Variants in ZNF704 observed in about 807,000 individuals in gnomAD.
The protein encoded by ZNF704 is glucocorticoid induced gene 1.
ZNF704 carries 10 observed loss-of-function variants against 44.7 expected under a neutral mutation model. That is an observed-to-expected ratio of 0.22 (90% CI 0.14 to 0.38). The LOEUF is 0.38. ZNF704 is among the 10% of genes least tolerant of loss of function. The pLI is 1.00. For synonymous variants in ZNF704, 211 were observed against 207.6 expected (o/e 1.02, Z -0.14); for missense variants, 390 against 545.5 (o/e 0.71, Z 2.84).
intron 2 of ZNF704, among the ~76,000 whole-genome samples, chr8:80,809,512 T>C (rs1808049641): frequency 6.6e-6 from 1 of 152,168 alleles, no homozygotes; most frequent in Non-Finnish European, 1.5e-5. Context: ...AGTGAGTGTT[T>C]GCCAAATCCA....
At chr8:80,695,549 T>C (rs1237472090) in intron 2 of ZNF704, among the ~76,000 whole-genome samples, 2 of 152,216 alleles carry the variant, frequency 1.3e-5, no homozygotes, top group Non-Finnish European at 2.9e-5. Flanking sequence ...TTCCGTCTTC[T>C]ACATCTTGGT....
At position 80,735,941 on chromosome 8, in the gene ZNF704, C is replaced by T. The variant is rs556457353; in HGVS notation, c.222-42834G>A. Among the ~76,000 whole-genome samples the T allele has an allele frequency of 6.6e-5, 10 of 152,156 alleles. 1 individual carries two copies. The South Asian group carries it at 1.9e-3, about 28-fold the overall frequency. On this transcript the variant is annotated intron_variant, in intron 2 of 8. Coordinates refer to ENST00000327835, the MANE Select transcript of ZNF704 (RefSeq NM_001033723.3). ...TTTACAAAGAGAAAGAAAATATAAA[C>T]AGGAAGGAAGGAATTCCAGTTTAGT... is the stretch of plus-strand genomic sequence containing the variant.
chr8:80,808,158 T>C (rs963684609), intron 2 of ZNF704, among the ~76,000 whole-genome samples: 7 of 152,204 alleles, frequency 4.6e-5, no homozygotes. Flanking sequence ...TCCTCCCTCC[T>C]AACTACCAGT....
chr8:80,714,917 C>T (rs1156615213), intron 2 of ZNF704, among the ~76,000 whole-genome samples: 5 of 152,132 alleles, frequency 3.3e-5, no homozygotes, highest in African/African-American at 4.8e-5. Flanking sequence ...TCCATGCATA[C>T]AAGCAGAAGT....
intron 2 of ZNF704, among the ~76,000 whole-genome samples, chr8:80,783,270 G>A (rs1249761456): frequency 6.6e-6 from 1 of 152,176 alleles, no homozygotes; most frequent in Middle Eastern, 3.2e-3. Flanking sequence ...TTCAACTGTA[G>A]GAGTTTGAAG....
chr8:80,744,102 G>A (rs1042470768), intron 2 of ZNF704, among the ~76,000 whole-genome samples: 1 of 151,990 alleles, frequency 6.6e-6, no homozygotes. Flanking sequence ...TTTCTAAGAT[G>A]TATTTAAAAA....
intron 1 of ZNF704, among the ~76,000 whole-genome samples, chr8:80,866,730 G>C (rs1297891694): frequency 2.0e-5 from 3 of 152,044 alleles, no homozygotes; most frequent in Non-Finnish European, 2.9e-5. Flanking sequence ...TTGGGGGGGG[G>C]ATACATTAAT....
intron 2 of ZNF704, among the ~76,000 whole-genome samples, chr8:80,721,475 T>C (rs1458082164): frequency 6.6e-6 from 1 of 152,188 alleles, no homozygotes; most frequent in Non-Finnish European, 1.5e-5. Flanking sequence ...AATATATTGA[T>C]ATTTATATTG....
chr8:80,763,449 C>T (rs993584265), intron 2 of ZNF704, among the ~76,000 whole-genome samples: 8 of 152,222 alleles, frequency 5.3e-5, no homozygotes, highest in Non-Finnish European at 1.0e-4. Flanking sequence ...GGGCTTGCAC[C>T]CTCTGAAACC....
rs1016376802 is a variant in ZNF704, at chr8:80,874,229, GGCCGGCGGGGAC to G, written c.-22+330_-22+341del. ...GCGCGGGCGCCGCCTTCGCTGGACC[GGCCGGCGGGGAC>G]GCCGGCGGCCGGCGGCTACGGCGGG... On this transcript the variant is annotated intron_variant, in intron 1 of 8. Transcript: ENST00000327835. This position sits in a 1 kb window ranked among gnomAD's most constrained non-coding sequence, Gnocchi z 4.4. 6.2e-5 allele frequency among the ~76,000 whole-genome samples: 9 copies of G among 145,200 alleles called. No individual in the cohort carries two copies. The highest frequency in any genetic ancestry group is 6.1e-4 in the Admixed American group (9 of 14,716).
chr8:80,689,346 A>G (rs1818593553), intron 3 of ZNF704, among the ~76,000 whole-genome samples: 1 of 152,216 alleles, frequency 6.6e-6, no homozygotes, highest in Non-Finnish European at 1.5e-5. Context: ...AGGAGAAACT[A>G]CCCATCTCAT....
chr8:80,869,985 C>T (rs1317624368), intron 1 of ZNF704, among the ~76,000 whole-genome samples: 1 of 152,150 alleles, frequency 6.6e-6, no homozygotes, highest in Non-Finnish European at 1.5e-5. Context: ...GACCCTCAGT[C>T]CTACAGATGC....
chr8:80,800,213 T>C (rs1586036596), intron 2 of ZNF704, among the ~76,000 whole-genome samples: 1 of 152,142 alleles, frequency 6.6e-6, no homozygotes, highest in South Asian at 2.1e-4. Flanking sequence ...CTGAAAGAGA[T>C]GGGGAGAATG....
intron 2 of ZNF704, among the ~76,000 whole-genome samples, chr8:80,795,718 CAAAA>C (rs10612734): frequency 4.4e-5 from 5 of 113,824 alleles, no homozygotes; most frequent in Non-Finnish European, 5.7e-5. Context: ...AACTCCATCT[CAAAA>C]AAAAAAAAAA....
chr8:80,883,104 C>G, the ZNF704 span, among the ~76,000 whole-genome samples: 1 of 146,366 alleles, frequency 6.8e-6, no homozygotes, highest in African/African-American at 2.6e-5. Context: ...AAAAATTAGC[C>G]AGGCATGGCA....
chr8:80,687,091 A>G (rs1818550279), intron 4 of ZNF704, 135 bp downstream of exon 4: 2 of 706,264 alleles, frequency 2.8e-6, no homozygotes, highest in Admixed American at 2.8e-5. Flanking sequence ...CAAGAACATT[A>G]AAGAGGAACG....
intron 2 of ZNF704, among the ~76,000 whole-genome samples, chr8:80,702,580 C>T (rs1818828514): frequency 6.6e-6 from 1 of 152,004 alleles, no homozygotes; most frequent in African/African-American, 2.4e-5. Flanking sequence ...CTTGGCTGGA[C>T]TGGGCAATGT....
upstream of ZNF704, among the ~76,000 whole-genome samples, chr8:80,875,506 G>T (rs1363679275): frequency 6.6e-6 from 1 of 152,132 alleles, no homozygotes; most frequent in African/African-American, 2.4e-5. Flanking sequence ...GTTTCACCAT[G>T]TTGGCCAGGC....
chr8:80,858,287 G>A (rs1808997006), intron 1 of ZNF704, among the ~76,000 whole-genome samples: 1 of 152,060 alleles, frequency 6.6e-6, no homozygotes, highest in African/African-American at 2.4e-5. Context: ...AACACCTTTG[G>A]ATGGAAGATC....
Sources: gnomAD v4.1 joint callset for allele counts (sites outside exome capture counted in the v4.1 genomes callset) on GRCh38, gnomAD v4.1.1 for gene constraint, Gnocchi (gnomAD v3.1) non-coding constraint, MANE v1.5 for transcripts, NCBI Gene and HGNC (gene_info 2026-07-23, HGNC 2026-07-21) for gene names.